SCGB2B2: variants seen among roughly 807,000 people sequenced by gnomAD.
SCGB2B2 encodes the protein secretoglobin-like protein.
A neutral mutation model predicts 7.6 loss-of-function variants in SCGB2B2; 11 were observed. The ratio of observed to expected loss-of-function variants is 1.45; its 90% CI spans 0.91 to 2.40. The LOEUF (loss-of-function observed/expected upper bound fraction) is 2.40. Ranked by LOEUF, SCGB2B2 falls within the 30% of genes most tolerant of loss-of-function variation. The pLI is 0.00. For synonymous variants in SCGB2B2, 50 were observed against 48.6 expected (o/e 1.03, Z -0.12); for missense variants, 104 against 115.4 (o/e 0.90, Z 0.45).
In SCGB2B2 at chr19:34,674,002, C is replaced by CA. The variant is rs750127476; in HGVS notation, c.-2032+1627dup. 1.2e-4 allele frequency among the ~76,000 whole-genome samples: 18 copies of CA among 152,332 alleles called. No homozygotes were observed. In the East Asian group the frequency reaches 3.3e-3, roughly 28 times the overall value. On this transcript the variant is annotated intron_variant, in intron 1 of 3. Coordinates refer to ENST00000601241, the MANE Select transcript of SCGB2B2 (RefSeq NM_001025591.4). ...AGATGGCCAGACATAGCTATTGAAA[C>CA]AAAAGGACTAGCCCTCCATTTAAAG...
chr19:34,600,972 T>G (rs1287980058), intron 1 of SCGB2B2, among the ~76,000 whole-genome samples: 3 of 151,980 alleles, frequency 2.0e-5, no homozygotes, highest in African/African-American at 7.2e-5. Flanking sequence ...TCTTATCTCA[T>G]GGTCATAAAG....
chr19:34,625,966 T>C (rs201339959), intron 1 of SCGB2B2, among the ~76,000 whole-genome samples: 2 of 152,174 alleles, frequency 1.3e-5, no homozygotes. Flanking sequence ...TTCACCCATA[T>C]CCGCTGTTCT....
intron 1 of SCGB2B2, among the ~76,000 whole-genome samples, chr19:34,639,740 C>G (rs953634321): frequency 6.6e-6 from 1 of 152,144 alleles, no homozygotes. Flanking sequence ...ATTTGCTTAC[C>G]CTTTCTTCCT....
intron 1 of SCGB2B2, among the ~76,000 whole-genome samples, chr19:34,636,107 T>A (rs1469678287): frequency 6.6e-6 from 1 of 152,232 alleles, no homozygotes; most frequent in Non-Finnish European, 1.5e-5. Context: ...TGGCTCCTCA[T>A]CCTCCATTAG....
At chr19:34,669,873 C>G (rs1427418746) in intron 1 of SCGB2B2, among the ~76,000 whole-genome samples, 1 of 152,212 alleles carries the variant, frequency 6.6e-6, no homozygotes, top group Non-Finnish European at 1.5e-5. Context: ...ACATGGAGAG[C>G]ACCAGTGCTG....
At position 34,593,501 on chromosome 19, in the gene SCGB2B2, G is replaced by A. The variant is rs1410937011; in HGVS notation, c.*54C>T. ...TGAACAGAGCCAGGCCAGGAACGCG[G>A]GGAGCCCCAAGGAAGGCAGGAGGGC... On this transcript the variant is annotated 3_prime_UTR_variant, in exon 4 of 4. Transcript: ENST00000601241. 2.1e-6 allele frequency: 3 copies of A among 1,395,514 alleles called. No individual in the cohort carries two copies. In the African/African-American group the frequency reaches 4.3e-5, roughly 20 times the overall value. The allele number at this position is 1,395,514 out of a possible 1,614,324, so 86.4% of individuals were successfully genotyped here.
At chr19:34,613,754 T>A (rs971876652) in intron 1 of SCGB2B2, among the ~76,000 whole-genome samples, 1 of 152,228 alleles carries the variant, frequency 6.6e-6, no homozygotes, top group African/African-American at 2.4e-5. Flanking sequence ...TGATAGTGAT[T>A]ATTATCTTTT....
intron 1 of SCGB2B2, among the ~76,000 whole-genome samples, chr19:34,667,749 T>G (rs2146187564): frequency 6.6e-6 from 1 of 152,098 alleles, no homozygotes; most frequent in South Asian, 2.1e-4. Context: ...CTGGAGACCC[T>G]CCTCCTGTAA....
intron 1 of SCGB2B2, among the ~76,000 whole-genome samples, chr19:34,604,491 G>A (rs2065723081): frequency 6.6e-6 from 1 of 152,184 alleles, no homozygotes; most frequent in South Asian, 2.1e-4. Flanking sequence ...GCTTATATCA[G>A]CTGAAACACC....
intron 1 of SCGB2B2, among the ~76,000 whole-genome samples, chr19:34,664,430 C>A (rs1447784911): frequency 6.6e-6 from 1 of 152,178 alleles, no homozygotes; most frequent in Non-Finnish European, 1.5e-5. Flanking sequence ...GGACAGCAGC[C>A]CCAGCCCTGC....
At chr19:34,646,426 G>A (rs1233900130) in intron 1 of SCGB2B2, 1 of 152,612 alleles carries the variant, frequency 6.6e-6, no homozygotes, top group East Asian at 1.9e-4. Context: ...TGCCTGCACA[G>A]GCACATGCAT....
At position 34,595,333 on chromosome 19, in the gene SCGB2B2, A is replaced by T. The variant is rs2065421050; in HGVS notation, c.-770T>A. 1 of 152,520 alleles carries T rather than the reference A, an allele frequency of 6.6e-6. No individual in the cohort carries two copies. The highest frequency in any genetic ancestry group is 1.5e-5 in the Non-Finnish European group (1 of 68,110). The allele number at this position is 152,520 out of a possible 1,614,324, so 9.4% of individuals were successfully genotyped here. A position where few individuals can be genotyped will look rare whatever the true frequency, so the allele number is the denominator to read the frequency against. ...CTGGTCTCCACACTATTTATTGAGT[A>T]CAGTCCCTTCGATCTAAGAAGCAGA... On this transcript the variant is annotated 5_prime_UTR_variant, in exon 2 of 4. Transcript: ENST00000601241.
Position 34,672,123 on chromosome 19 carries a change from AAAAT to A in SCGB2B2, c.-2032+3503_-2032+3506del, listed in dbSNP as rs573569511. On this transcript the variant is annotated intron_variant, in intron 1 of 3. Transcript: ENST00000601241. The stretch of plus-strand genomic sequence containing the variant: ...GCCAATGCACTCCAGGTGGGGTGTA[AAAAT>A]AAATAATTAAATGAATAAATGAATA... Among the ~76,000 whole-genome samples, 407 of 152,260 alleles carry A rather than the reference AAAAT, an allele frequency of 2.7e-3. 1 individual carries two copies. The highest frequency in any genetic ancestry group is 9.4e-3 in the African/African-American group (390 of 41,530).
In SCGB2B2 at chr19:34,594,702, T is replaced by TGA. The variant is rs967815990; in HGVS notation, c.-141_-140dup. On this transcript the variant is annotated 5_prime_UTR_variant, in exon 2 of 4. The change abolishes the stop of an existing upstream ORF in the 5' untranslated region. Coordinates refer to ENST00000601241, the MANE Select transcript of SCGB2B2 (RefSeq NM_001025591.4). ...GTGTGTGTGTGTGTGTGTGTGTGTG[T>TGA]GAATGTGGTCAGGGCAGGTCTGCAG... 9 of 650,344 alleles carry TGA rather than the reference T, an allele frequency of 1.4e-5. No individual in the cohort carries two copies. The highest frequency in any genetic ancestry group is 8.2e-5 in the African/African-American group (4 of 48,540). The allele number at this position is 650,344 out of a possible 1,614,324, so 40.3% of individuals were successfully genotyped here. A position where few individuals can be genotyped will look rare whatever the true frequency, so the allele number is the denominator to read the frequency against.
intron 1 of SCGB2B2, among the ~76,000 whole-genome samples, chr19:34,602,917 G>C (rs972163101): frequency 1.3e-5 from 2 of 152,198 alleles, no homozygotes; most frequent in African/African-American, 4.8e-5. Flanking sequence ...GATGGATACA[G>C]AGAATGAACC....
intron 1 of SCGB2B2, among the ~76,000 whole-genome samples, chr19:34,658,986 T>A (rs540988423): frequency 1.3e-5 from 2 of 152,112 alleles, no homozygotes; most frequent in Non-Finnish European, 2.9e-5. Context: ...TGGTTCAACA[T>A]ACACAAATCA....
intron 1 of SCGB2B2, among the ~76,000 whole-genome samples, chr19:34,656,648 T>C (rs565239821): frequency 1.3e-5 from 2 of 151,368 alleles, no homozygotes; most frequent in Admixed American, 1.3e-4. Context: ...TAGCATAATA[T>C]ATCTTAATCT....
At chr19:34,587,011 G>A (rs139901892), downstream of SCGB2B2, among the ~76,000 whole-genome samples, 1,286 of 152,202 alleles carry the variant, frequency 8.4e-3, 7 homozygotes, top group Admixed American at 0.018. Flanking sequence ...AGGTTCAAGC[G>A]ATTCTCCTGT....
At chr19:34,588,788 A>C (rs2065236941), downstream of SCGB2B2, among the ~76,000 whole-genome samples, 1 of 152,178 alleles carries the variant, frequency 6.6e-6, no homozygotes, top group Non-Finnish European at 1.5e-5. Flanking sequence ...CTCAGGGCAC[A>C]TATGGGGTGA....
Sources: gnomAD v4.1 joint callset for allele counts (sites outside exome capture counted in the v4.1 genomes callset) on GRCh38, gnomAD v4.1.1 for gene constraint, MANE v1.5 for transcripts, NCBI Gene and HGNC (gene_info 2026-07-23, HGNC 2026-07-21) for gene names.